The following ANKRD52 variants were observed in gnomAD, a reference collection of about 807,000 sequenced individuals.
The protein encoded by ANKRD52 is serine/threonine-protein phosphatase 6 regulatory ankyrin repeat subunit C.
ANKRD52 carries 7 observed loss-of-function variants against 116.0 expected under a neutral mutation model. The observed-to-expected ratio is 0.06, with a 90% CI of 0.03 to 0.11. The LOEUF (loss-of-function observed/expected upper bound fraction) is 0.11, where lower values mean the gene tolerates loss of function less well. Ranked by LOEUF, ANKRD52 falls within the 10% of genes least tolerant of loss-of-function variation. ANKRD52 has a pLI of 1.00. For missense variants in ANKRD52, 839 were observed against 1,408.6 expected, an observed-to-expected ratio of 0.60 and a Z score of 6.47; for synonymous variants, 528 against 578.1, an observed-to-expected ratio of 0.91 and a Z score of 1.24.
In ANKRD52 at chr12:56,248,361, T is replaced by TA; in HGVS notation, c.1776+133dup. 2 of 1,395,500 alleles carry TA rather than the reference T, an allele frequency of 1.4e-6. No individual in the cohort carries two copies. Among genetic ancestry groups the TA allele is most frequent in the Non-Finnish European group, 2.0e-6 (2 of 1,006,886 alleles). 86.4% of individuals were successfully genotyped at this position (1,395,500 alleles called of 1,614,324 possible). ...GCTCCTTGGGCCCCTTAAGGCTTCC[T>TA]ACCCTGCACTGTGCTTATCCCCTCT... On this transcript the variant is annotated intron_variant, in intron 17 of 27. Coordinates refer to ENST00000267116, the MANE Select transcript of ANKRD52 (RefSeq NM_173595.4). The surrounding 1 kb of genome is among the most constrained non-coding windows in gnomAD (Gnocchi z 5.1).
Position 56,247,792 on chromosome 12 carries a change from C to G in ANKRD52, c.1979-18G>C. 1 of 1,606,660 alleles carries G rather than the reference C, an allele frequency of 6.2e-7. No homozygotes were observed. The highest frequency in any genetic ancestry group is 8.5e-7 in the Non-Finnish European group (1 of 1,177,124). ...AGAGGCAGCTAGGGGAAAGGGACCC[C>G]GTGTCAGGGCAGGGCCAGGAGGAAG... On this transcript the variant is annotated intron_variant, in intron 18 of 27. Coordinates refer to ENST00000267116, the MANE Select transcript of ANKRD52 (RefSeq NM_173595.4).
Position 56,255,069 on chromosome 12 carries a change from G to A in ANKRD52, c.463-117C>T. The stretch of plus-strand genomic sequence containing the variant: ...GGCAGCCTAATGCCTTTTTCCATGA[G>A]CAAAACAACCTGGAGGACTCGAGGG... On this transcript the variant is annotated intron_variant, in intron 5 of 27. Coordinates refer to ENST00000267116, the MANE Select transcript of ANKRD52 (RefSeq NM_173595.4). The surrounding 1 kb of genome is among the most constrained non-coding windows in gnomAD (Gnocchi z 4.3). 1.0e-6 allele frequency: 1 copy of A among 977,944 alleles called. No homozygotes were observed. Among genetic ancestry groups the A allele is most frequent in the Non-Finnish European group, 1.6e-6 (1 of 643,248 alleles). 60.6% of individuals were successfully genotyped at this position (977,944 alleles called of 1,614,324 possible).
intron 15 of ANKRD52, among the ~76,000 whole-genome samples, chr12:56,249,689 C>T (rs993504115): frequency 3.9e-5 from 6 of 152,228 alleles, no homozygotes; most frequent in African/African-American, 1.4e-4. Context: ...AGATCACCCG[C>T]GGTCAGGAGT....
chr12:56,244,017 C>T lies in ANKRD52; in HGVS notation c.2888+34G>A, dbSNP rs369234166. 2.5e-6 allele frequency: 4 copies of T among 1,611,794 alleles called. No individual in the cohort carries two copies. Among genetic ancestry groups the T allele is most frequent in the Non-Finnish European group, 3.4e-6 (4 of 1,178,758 alleles). ...CACTCTTTCATCACCCACTGGCCTC[C>T]CCCAGCCAGGAGCCCCCTTCCCCAG... On this transcript the variant is annotated intron_variant, in intron 26 of 27. Coordinates refer to ENST00000267116, the MANE Select transcript of ANKRD52 (RefSeq NM_173595.4). The surrounding 1 kb of genome is among the most constrained non-coding windows in gnomAD (Gnocchi z 4.9).
Position 56,237,914 on chromosome 12 carries a change from G to C in ANKRD52, c.*5228C>G. On this transcript the variant is annotated 3_prime_UTR_variant, in exon 28 of 28. Transcript: ENST00000267116. ...AAACCAGAGTGTGGTGGGAGGACCC[G>C]AAGCCGGTTGGGGGAGGATGTGAGT... The C allele has an allele frequency of 1.4e-6, 1 of 721,872 alleles. No homozygotes were observed. Among genetic ancestry groups the C allele is most frequent in the Non-Finnish European group, 2.1e-6 (1 of 476,652 alleles). 44.7% of individuals were successfully genotyped at this position (721,872 alleles called of 1,614,324 possible).
chr12:56,258,025 A>T, intron 1 of ANKRD52, 114 bp from the exon 2 acceptor site: 1 of 1,302,720 alleles, frequency 7.7e-7, no homozygotes, highest in Non-Finnish European at 1.1e-6. Flanking sequence ...GAGGGGCTCC[A>T]CTCTAGGGAT....
chr12:56,245,633 C>T (rs773035755), intron 20 of ANKRD52, 37 bp from the exon 21 acceptor site: 1 of 1,586,806 alleles, frequency 6.3e-7, no homozygotes, highest in South Asian at 1.1e-5. Flanking sequence ...GGATGAAAAG[C>T]TCCTCCTTTT....
chr12:56,243,899 G>T lies in ANKRD52; in HGVS notation c.2889-23C>A. On this transcript the variant is annotated intron_variant, in intron 26 of 27. Transcript: ENST00000267116. The surrounding 1 kb of genome is among the most constrained non-coding windows in gnomAD (Gnocchi z 4.6). ...GGCCTTGGAAAAAAGGAAAAAGAAGGAGCTTGATGCTAAGCTGCCCTTCCA... is the reference window on the plus strand; with the variant it reads ...GGCCTTGGAAAAAAGGAAAAAGAAGTAGCTTGATGCTAAGCTGCCCTTCCA... 1.3e-6 allele frequency: 2 copies of T among 1,577,202 alleles called. No homozygotes were observed. The highest frequency in any genetic ancestry group is 8.6e-7 in the Non-Finnish European group (1 of 1,161,062).
Position 56,255,034 on chromosome 12 carries a change from A to T in ANKRD52, c.463-82T>A. 6.9e-7 allele frequency: 1 copy of T among 1,455,760 alleles called. No individual in the cohort carries two copies. The allele number at this position is 1,455,760 out of a possible 1,614,324, so 90.2% of individuals were successfully genotyped here. On this transcript the variant is annotated intron_variant, in intron 5 of 27. Transcript: ENST00000267116. This position sits in a 1 kb window ranked among gnomAD's most constrained non-coding sequence, Gnocchi z 4.3. ...CTAAGAGCAGAGGCCTCATCTCCTGAAAAGGCTGAGGCAGCCTAATGCCTT... is the reference window on the plus strand; with the variant it reads ...CTAAGAGCAGAGGCCTCATCTCCTGTAAAGGCTGAGGCAGCCTAATGCCTT...
In ANKRD52 at chr12:56,244,083, G is replaced by T; in HGVS notation, c.2856C>A (p.Gly952=). Residue 952 remains glycine, a synonymous_variant, in exon 26 of 28, where the codon GGC becomes GGA. Coordinates refer to ENST00000267116, the MANE Select transcript of ANKRD52 (RefSeq NM_173595.4). This position sits in a 1 kb window ranked among gnomAD's most constrained non-coding sequence, Gnocchi z 4.9. ...GCGCACTGTTGGTAGCATTGATAAGGCCAAGGTCTTGGGTTTCTGCCAGGA... is the reference window on the plus strand; with the variant it reads ...GCGCACTGTTGGTAGCATTGATAAGTCCAAGGTCTTGGGTTTCTGCCAGGA... ...LMILAETQDL[G]LINATNSALQ... The T allele has an allele frequency of 6.2e-7, 1 of 1,613,946 alleles. No homozygotes were observed. The highest frequency in any genetic ancestry group is 8.5e-7 in the Non-Finnish European group (1 of 1,179,888).
rs1208480040 is a variant in ANKRD52 at position 56,254,934 on chromosome 12, T to G, written c.481A>C (p.Asn161His). Residue 161 changes from asparagine to histidine, a missense_variant, in exon 6 of 28, where the codon AAC becomes CAC. Physicochemically the swap from Asn to His is moderately conservative, Grantham distance 68. Coordinates refer to ENST00000267116, the MANE Select transcript of ANKRD52 (RefSeq NM_173595.4). This position sits in a 1 kb window ranked among gnomAD's most constrained non-coding sequence, Gnocchi z 4.6. ...CAGACATTCAGGCTGGCTCCCTTGT[T>G]GAGGAGCAGGTTCACCGTCTGCATC... ...GHLETVNLLL[N>H]KGASLNVCDK... The G allele has an allele frequency of 6.2e-7, 1 of 1,613,152 alleles. No homozygotes were observed. The highest frequency in any genetic ancestry group is 1.3e-5 in the African/African-American group (1 of 74,918).
In ANKRD52 at chr12:56,258,142, G is replaced by A. The variant is rs1872055226; in HGVS notation, c.27+101C>T. The A allele has an allele frequency of 3.9e-6, 6 of 1,526,802 alleles. No individual in the cohort carries two copies. The South Asian group carries it at 6.0e-5, about 15-fold the overall frequency. 94.6% of individuals were successfully genotyped at this position (1,526,802 alleles called of 1,614,324 possible). A position where few individuals can be genotyped will look rare whatever the true frequency, so the allele number is the denominator to read the frequency against. On this transcript the variant is annotated intron_variant, in intron 1 of 27. Coordinates refer to ENST00000267116, the MANE Select transcript of ANKRD52 (RefSeq NM_173595.4). ...ATGGGGCGGGGCGGGAGCTGCGGGA[G>A]CCCCGGGCTCAGGCCCAGCCTAGGC...
intron 15 of ANKRD52, among the ~76,000 whole-genome samples, chr12:56,251,482 G>A (rs960373954): frequency 1.3e-5 from 2 of 152,046 alleles, no homozygotes; most frequent in African/African-American, 4.8e-5. Context: ...CTAACCTCAG[G>A]TGATCTGCCT....
intron 1 of ANKRD52, 40 bp from the exon 2 acceptor site, chr12:56,257,951 G>A: frequency 6.2e-7 from 1 of 1,601,444 alleles, no homozygotes; most frequent in Non-Finnish European, 8.5e-7. Context: ...GGCTGGAGCC[G>A]GAGCGGAACC....
intron 1 of ANKRD52, 74 bp from the exon 2 acceptor site, chr12:56,257,985 G>A: frequency 7.5e-7 from 1 of 1,334,982 alleles, no homozygotes. Flanking sequence ...GGGTGGGGGA[G>A]CACCTAGGTT....
At chr12:56,247,838 T>A in intron 18 of ANKRD52, 64 bp from the exon 19 acceptor site, 1 of 1,525,332 alleles carries the variant, frequency 6.6e-7, no homozygotes, top group Non-Finnish European at 8.9e-7. Context: ...AGGTCAAGCC[T>A]AAAGGACTTG....
Position 56,245,587 on chromosome 12 carries a change from C to T in ANKRD52, c.2194G>A (p.Gly732Ser). ...RTALHRGAVT[G>S]CEDCLAALLD... is the part of the protein sequence containing the mutation. ...AGGGCAGCCAGGCAGTCCTCACAGC[C>T]AGTCACTGCCTGTGAGTAACATGGG... Residue 732 changes from glycine to serine, a missense_variant, in exon 21 of 28, where the codon GGC (glycine) becomes AGC (serine). Around this residue, in one of 2 missense-constraint regions of ANKRD52, gnomAD observed 552 missense variants for 810.6 expected, o/e 0.68. Transcript: ENST00000267116. 6.2e-7 allele frequency: 1 copy of T among 1,604,880 alleles called. No individual in the cohort carries two copies. Among genetic ancestry groups the T allele is most frequent in the Non-Finnish European group, 8.5e-7 (1 of 1,177,680 alleles).
chr12:56,246,867 C>A (rs1565608585), intron 20 of ANKRD52, among the ~76,000 whole-genome samples: 1 of 150,494 alleles, frequency 6.6e-6, no homozygotes, highest in Non-Finnish European at 1.5e-5. Flanking sequence ...TTGCAGTGAG[C>A]CGAGATCACG....
chr12:56,248,160 C>T lies in ANKRD52; in HGVS notation c.1841G>A (p.Arg614Lys). Residue 614 changes from arginine to lysine, a missense_variant, in exon 18 of 28, where the codon AGG (arginine) becomes AAG (lysine). Transcript: ENST00000267116. This position sits in a 1 kb window ranked among gnomAD's most constrained non-coding sequence, Gnocchi z 5.1. ...GAGTGCGGTCCGGCCCTTGTGGTCC[C>T]TTACGTCCAGATTCACCAGCGTCTC... is the stretch of plus-strand genomic sequence containing the variant. ...LAETLVNLDV[R>K]DHKGRTALFL... The T allele has an allele frequency of 6.2e-7, 1 of 1,614,000 alleles. No individual in the cohort carries two copies. Among genetic ancestry groups the T allele is most frequent in the Non-Finnish European group, 8.5e-7 (1 of 1,179,910 alleles).
Sources: allele counts gnomAD v4.1 joint callset (sites outside exome capture counted in the v4.1 genomes callset), GRCh38; gene constraint gnomAD v4.1.1; regional missense constraint gnomAD v4.1.1; non-coding constraint Gnocchi (gnomAD v3.1); transcripts MANE v1.5; gene names NCBI Gene and HGNC (gene_info 2026-07-23, HGNC 2026-07-21).